Variants in RMDN3 observed in about 807,000 individuals in gnomAD.
RMDN3 encodes regulator of microtubule dynamics 3.
Under a neutral mutation model 61.8 loss-of-function variants are expected in RMDN3, and 41 were observed. The ratio of observed to expected loss-of-function variants is 0.66; its 90% CI spans 0.52 to 0.86. The LOEUF (loss-of-function observed/expected upper bound fraction) is 0.86, where lower values mean the gene tolerates loss of function less well. RMDN3 is among the 40% of genes least tolerant of loss of function. RMDN3 has a pLI of 0.00. For missense variants in RMDN3, 557 were observed against 585.3 expected, an observed-to-expected ratio of 0.95 and a Z score of 0.50; for synonymous variants, 247 against 232.0, an observed-to-expected ratio of 1.06 and a Z score of -0.59.
intron 4 of RMDN3, among the ~76,000 whole-genome samples, chr15:40,750,974 G>A (rs1213768760): frequency 6.6e-6 from 1 of 152,128 alleles, no homozygotes; most frequent in African/African-American, 2.4e-5. Context: ...AGCCCTCCTG[G>A]GCCACTGAGA....
intron 4 of RMDN3, among the ~76,000 whole-genome samples, chr15:40,747,122 T>G (rs905460905): frequency 3.3e-5 from 5 of 152,180 alleles, no homozygotes; most frequent in Non-Finnish European, 5.9e-5. Context: ...CTCCCTTTGC[T>G]AGAAGGAGGG....
At chr15:40,740,225 T>C (rs1450813440) in intron 6 of RMDN3, 32 bp from the exon 7 acceptor site, 4 of 1,466,806 alleles carry the variant, frequency 2.7e-6, no homozygotes, top group Admixed American at 1.7e-5. Context: ...AGAGTTGACA[T>C]AGCTCTTATG....
At chr15:40,738,869 A>G (rs750970785) in intron 7 of RMDN3, 1 of 417,950 alleles carries the variant, frequency 2.4e-6, no homozygotes, top group Non-Finnish European at 4.3e-6. Context: ...TCCTACACTC[A>G]TAAGGAGTAC....
Position 40,745,168 on chromosome 15 carries a change from TCA to T in RMDN3, c.614_615del (p.Val205GlufsTer9). The T allele has an allele frequency of 2.5e-6, 4 of 1,614,128 alleles. No homozygotes were observed. Among genetic ancestry groups the T allele is most frequent in the Non-Finnish European group, 3.4e-6 (4 of 1,180,010 alleles). Reference sequence around the variant, plus strand: ...TCAAGAGAATCCTTTCTCCCCATCTTCACAGTCTCACAGCTCACTTCATCTTC... The same window carrying T: ...TCAAGAGAATCCTTTCTCCCCATCTTCAGTCTCACAGCTCACTTCATCTTC... ...DGEDEVSCET[V>X]KMGRKDSLDL... On this transcript the variant is annotated frameshift_variant, in exon 5 of 13. Transcript: ENST00000338376. LOFTEE classifies it high-confidence loss of function.
At chr15:40,739,996 A>G in intron 7 of RMDN3, 137 bp downstream of exon 7, 1 of 676,664 alleles carries the variant, frequency 1.5e-6, no homozygotes, top group East Asian at 2.7e-5. Flanking sequence ...AGACTGAGGC[A>G]TGTGGAGATA....
At position 40,736,175 on chromosome 15, in the gene RMDN3, A is replaced by AAAGTGACAAGTTAT. The variant is rs566859375; in HGVS notation, c.*352_*365dup. 1.8e-3 allele frequency: 408 copies of AAAGTGACAAGTTAT among 231,102 alleles called. No individual in the cohort carries two copies. Among genetic ancestry groups the AAAGTGACAAGTTAT allele is most frequent in the African/African-American group, 5.7e-3 (253 of 44,126 alleles). 14.3% of individuals were successfully genotyped at this position (231,102 alleles called of 1,614,324 possible). A position where few individuals can be genotyped will look rare whatever the true frequency, so the allele number is the denominator to read the frequency against. On this transcript the variant is annotated 3_prime_UTR_variant, in exon 13 of 13. Transcript: ENST00000338376. ...GTCCTATTAGTCAGTGAAAAAGATT[A>AAAGTGACAAGTTAT]AAGTGACAAGTTATGTGCTTTGTTC...
chr15:40,751,665 A>T, intron 3 of RMDN3, 96 bp from the exon 4 acceptor site: 1 of 1,537,566 alleles, frequency 6.5e-7, no homozygotes, highest in South Asian at 1.1e-5. Flanking sequence ...GCTCCTCATT[A>T]AAGGGCTAAA....
Position 40,751,418 on chromosome 15 carries a change from C to G in RMDN3, c.524+8G>C, listed in dbSNP as rs200096905. ...TAGCCATAACTGCCTCCAAGAGAGA[C>G]AACTCACCCCCCTTCACTCTCAGCA... On this transcript the variant is annotated splice_region_variant and intron_variant, in intron 4 of 12. Coordinates refer to ENST00000338376, the MANE Select transcript of RMDN3 (RefSeq NM_018145.3). The G allele has an allele frequency of 1.1e-5, 17 of 1,613,338 alleles. No individual in the cohort carries two copies. The South Asian group carries it at 1.9e-4, about 18-fold the overall frequency.
chr15:40,751,590 C>T (rs750241772), intron 3 of RMDN3, 21 bp from the exon 4 acceptor site: 18 of 1,613,924 alleles, frequency 1.1e-5, no homozygotes, highest in South Asian at 2.2e-5. Flanking sequence ...GGCCCCATCC[C>T]GAAGGGTACC....
In RMDN3 at chr15:40,740,179, C is replaced by G. The variant is rs748280204; in HGVS notation, c.925G>C (p.Glu309Gln). The change falls in exon 7 of 13, where the codon GAG becomes CAG. Residue 309 changes from glutamate to glutamine, a missense_variant. Transcript: ENST00000338376. The part of the protein sequence containing the change: ...SYALDGKEEA[E>Q]AALEKGDESA... ...TCATCCCCCTTCTCCAGAGCAGCCT[C>G]TGCTTCTTCTTTTCCTGTAGGACGA... is the stretch of plus-strand genomic sequence containing the variant. 6.2e-7 allele frequency: 1 copy of G among 1,611,506 alleles called. No individual in the cohort carries two copies. The highest frequency in any genetic ancestry group is 8.5e-7 in the Non-Finnish European group (1 of 1,178,052).
At chr15:40,738,480 G>T (rs752266059) in intron 8 of RMDN3, 21 bp downstream of exon 8, 4 of 1,612,218 alleles carry the variant, frequency 2.5e-6, no homozygotes, top group Non-Finnish European at 3.4e-6. Context: ...GCACAAGGAA[G>T]GAGGAAAAGC....
In RMDN3 at chr15:40,754,126, G is replaced by GTT. The variant is rs1194959304; in HGVS notation, c.187+470_187+471insAA. ...CGAAAGAGTAGAGAAAACCACGACT[G>GTT]CTTTTTTTTTTTTTTTTTTTTTGAG... On this transcript the variant is annotated intron_variant, in intron 2 of 12. Coordinates refer to ENST00000338376, the MANE Select transcript of RMDN3 (RefSeq NM_018145.3). Among the ~76,000 whole-genome samples the GTT allele has an allele frequency of 3.9e-5, 4 of 101,972 alleles. No homozygotes were observed. In the East Asian group the frequency reaches 1.6e-3, roughly 41 times the overall value. 66.9% of individuals were successfully genotyped at this position (101,972 alleles called of 152,430 possible).
intron 10 of RMDN3, 31 bp from the exon 11 acceptor site, chr15:40,737,372 G>A (rs1199313367): frequency 1.3e-6 from 2 of 1,598,054 alleles, no homozygotes; most frequent in East Asian, 4.5e-5. Flanking sequence ...ATTTCAGTAA[G>A]AGGTTCCTAT....
At chr15:40,742,798 A>T (rs1004147801) in intron 6 of RMDN3, among the ~76,000 whole-genome samples, 1 of 152,214 alleles carries the variant, frequency 6.6e-6, no homozygotes, top group Admixed American at 6.5e-5. Flanking sequence ...GAGATGACCA[A>T]TGATCAAGAG....
Position 40,744,047 on chromosome 15 carries a change from C to A in RMDN3, c.910G>T (p.Gly304Ter). 1 of 1,610,222 alleles carries A rather than the reference C, an allele frequency of 6.2e-7. No individual in the cohort carries two copies. The highest frequency in any genetic ancestry group is 8.5e-7 in the Non-Finnish European group (1 of 1,178,314). Reference sequence around the variant, plus strand: ...CCCACAGGAAGCTGTCAGCACTTACCATCTAGGGCATATGACTTCTTCTCG... The same window carrying A: ...CCCACAGGAAGCTGTCAGCACTTACAATCTAGGGCATATGACTTCTTCTCG... ...VSEKKSYALDGKEEAEAALEK... is the reference protein window; with the variant it reads ...VSEKKSYALD Residue 304 changes from glycine (G) to a stop codon, truncating the protein, a stop_gained and splice_region_variant, in exon 6 of 13, where the codon GGA (glycine) becomes TGA (stop). Coordinates refer to ENST00000338376, the MANE Select transcript of RMDN3 (RefSeq NM_018145.3). LOFTEE classifies it high-confidence loss of function.
chr15:40,752,614 A>G (rs1897877425), intron 2 of RMDN3, among the ~76,000 whole-genome samples: 2 of 152,220 alleles, frequency 1.3e-5, no homozygotes, highest in Non-Finnish European at 1.5e-5. Flanking sequence ...TTCACAAATA[A>G]TAGTAGGGAA....
chr15:40,754,412 T>C (rs1438201940), intron 2 of RMDN3, among the ~76,000 whole-genome samples, 185 bp downstream of exon 2: 1 of 152,204 alleles, frequency 6.6e-6, no homozygotes, highest in Admixed American at 6.5e-5. Flanking sequence ...CCTCCCAAAG[T>C]GCTGGGATTA....
chr15:40,751,485 G>A lies in RMDN3; in HGVS notation c.465C>T (p.Ser155=). 1.2e-6 allele frequency: 2 copies of A among 1,614,204 alleles called. No homozygotes were observed. The highest frequency in any genetic ancestry group is 1.7e-6 in the Non-Finnish European group (2 of 1,180,040). ...CCGAGGAGGCCGTGAAGTAGACAGAGCTGGAGCCAGTGGAGTCACTCCTCT... is the reference window on the plus strand; with the variant it reads ...CCGAGGAGGCCGTGAAGTAGACAGAACTGGAGCCAGTGGAGTCACTCCTCT... The part of the protein sequence containing the change: ...VRERSDSTGS[S]SVYFTASSGA... Residue 155 remains serine (S), a synonymous_variant, in exon 4 of 13, where the codon AGC becomes AGT. Transcript: ENST00000338376.
chr15:40,745,926 C>T (rs1897524121), intron 4 of RMDN3, among the ~76,000 whole-genome samples: 2 of 152,222 alleles, frequency 1.3e-5, no homozygotes, highest in South Asian at 4.1e-4. Flanking sequence ...TAAACCGCAA[C>T]AGGAGTAGCC....
Sources: allele counts gnomAD v4.1 joint callset (sites outside exome capture counted in the v4.1 genomes callset), GRCh38; gene constraint gnomAD v4.1.1; transcripts MANE v1.5; gene names NCBI Gene and HGNC (gene_info 2026-07-23, HGNC 2026-07-21).